Variants in DUSP11 observed in about 807,000 individuals in gnomAD.
DUSP11 encodes dual specificity phosphatase 11, also known as RNA/RNP complex-1-interacting phosphatase.
In DUSP11, 27 loss-of-function variants were observed where a neutral mutation model predicts 41.4. The observed-to-expected ratio is 0.65, with a 90% CI of 0.48 to 0.90. The LOEUF (loss-of-function observed/expected upper bound fraction) is 0.90, where lower values mean the gene tolerates loss of function less well. Among genes scored for constraint, DUSP11 ranks in the 40% least tolerant of loss-of-function variants. The pLI is 0.00. For synonymous variants in DUSP11, 188 were observed against 159.3 expected, an observed-to-expected ratio of 1.18 and a Z score of -1.35; for missense variants, 465 against 461.1, an observed-to-expected ratio of 1.01 and a Z score of -0.08.
intron 3 of DUSP11, 43 bp downstream of exon 3, chr2:73,774,870 A>T: frequency 1.4e-6 from 2 of 1,462,864 alleles, no homozygotes; most frequent in Non-Finnish European, 9.1e-7. Flanking sequence ...TTATTTTAGG[A>T]TCAGAAGGAA....
Position 73,766,821 on chromosome 2 carries a change from G to T in DUSP11, c.758+7C>A. 4.4e-6 allele frequency: 7 copies of T among 1,602,970 alleles called. No individual in the cohort carries two copies. Among genetic ancestry groups the T allele is most frequent in the Non-Finnish European group, 4.3e-6 (5 of 1,170,290 alleles). On this transcript the variant is annotated splice_region_variant and intron_variant, in intron 7 of 8. Transcript: ENST00000272444. ...CACAAATCTCACATATATAACATAA[G>T]ACTTACTTTCTGATAGGACCATTCT...
At chr2:73,778,458 T>A (rs1235309298) in intron 1 of DUSP11, 82 bp from the exon 2 acceptor site, 2 of 862,016 alleles carry the variant, frequency 2.3e-6, no homozygotes, top group Non-Finnish European at 3.4e-6. Flanking sequence ...AAAATGGGAA[T>A]CATAGCCCGC....
At chr2:73,766,695 T>G in intron 7 of DUSP11, 101 bp from the exon 8 acceptor site, 1 of 1,399,266 alleles carries the variant, frequency 7.1e-7, no homozygotes. Flanking sequence ...TTCTTCCTTC[T>G]CCCATTCCTA....
Position 73,779,791 on chromosome 2 carries a change from A to G in DUSP11, c.242+83T>C, listed in dbSNP as rs916488153. ...AGTCAAGCTTGCGATGGCAACGGCG[A>G]GAGGCAGAGACCACAAACGATGAAG... is the stretch of plus-strand genomic sequence containing the variant. On this transcript the variant is annotated intron_variant, in intron 1 of 8. Coordinates refer to ENST00000272444, the Ensembl canonical transcript of DUSP11. The G allele has an allele frequency of 1.0e-5, 16 of 1,572,546 alleles. No individual in the cohort carries two copies. The African/African-American group carries it at 1.6e-4, about 16-fold the overall frequency.
chr2:73,776,857 G>C (rs968679089), intron 2 of DUSP11, among the ~76,000 whole-genome samples: 2 of 152,174 alleles, frequency 1.3e-5, no homozygotes, highest in African/African-American at 4.8e-5. Context: ...CATCAGCACA[G>C]GATTGTTGTG....
intron 5 of DUSP11, 22 bp from the exon 6 acceptor site, chr2:73,767,229 G>T (rs200463622): frequency 1.9e-6 from 3 of 1,596,624 alleles, no homozygotes; most frequent in Non-Finnish European, 2.6e-6. Context: ...ACATAATTTG[G>T]GTCATTTATA....
intron 8 of DUSP11, among the ~76,000 whole-genome samples, chr2:73,765,698 T>G (rs1009593921): frequency 2.0e-5 from 3 of 152,230 alleles, no homozygotes; most frequent in Non-Finnish European, 2.9e-5. Flanking sequence ...AAAATACTTT[T>G]GTCGTTTTAT....
At chr2:73,780,097 G>A (rs769290762) in exon 1 of DUSP11, 9 of 1,565,390 alleles carry the variant, frequency 5.7e-6, no homozygotes, top group Admixed American at 1.9e-5. Flanking sequence ...CCGCGCTCCA[G>A]CGTCTCGCTA....
At position 73,774,308 on chromosome 2, in the gene DUSP11, G is replaced by A. The variant is rs573678488; in HGVS notation, c.451-385C>T. 8.5e-5 allele frequency among the ~76,000 whole-genome samples: 13 copies of A among 152,280 alleles called. 1 individual carries two copies. The highest frequency in any genetic ancestry group is 3.1e-4 in the African/African-American group (13 of 41,574). On this transcript the variant is annotated intron_variant, in intron 3 of 8. Coordinates refer to ENST00000272444, the Ensembl canonical transcript of DUSP11. ...AATAGAGTCAGAAGAACTTGGATTT[G>A]AATTGTGAGATAGAGGGAATTCCAG...
intron 5 of DUSP11, chr2:73,769,028 AAAAAAC>A (rs1672524681): frequency 2.5e-6 from 1 of 395,884 alleles, no homozygotes; most frequent in Admixed American, 4.4e-5. Context: ...ATATTAAATT[AAAAAAC>A]AGAATGTCTA....
chr2:73,779,916 C>G, exon 1 of DUSP11: 1 of 1,614,200 alleles, frequency 6.2e-7, no homozygotes. Flanking sequence ...GGCTGAGGAG[C>G]GTCCTGAAAA....
chr2:73,763,631 G>A (rs1672403636), intron 8 of DUSP11, among the ~76,000 whole-genome samples: 1 of 152,120 alleles, frequency 6.6e-6, no homozygotes, highest in East Asian at 1.9e-4. Flanking sequence ...GCTGAGGCAG[G>A]AGAATCATTT....
chr2:73,767,039 A>G, intron 6 of DUSP11, 122 bp downstream of exon 6: 4 of 1,245,016 alleles, frequency 3.2e-6, no homozygotes, highest in South Asian at 2.5e-5. Flanking sequence ...TTTTGGCAAG[A>G]CTATCTTATA....
At chr2:73,766,970 A>C (rs553990085) in intron 6 of DUSP11, 67 bp from the exon 7 acceptor site, 4 of 1,443,110 alleles carry the variant, frequency 2.8e-6, no homozygotes, top group African/African-American at 2.8e-5. Context: ...AAAGCAAATT[A>C]AGCTGAAATT....
chr2:73,766,228 G>A (rs1425721850), intron 8 of DUSP11, among the ~76,000 whole-genome samples, 190 bp downstream of exon 8: 1 of 151,406 alleles, frequency 6.6e-6, no homozygotes, highest in East Asian at 1.9e-4. Flanking sequence ...AGAATTGCTT[G>A]AACCTGGGAG....
In DUSP11 at chr2:73,767,209, T is replaced by C. The variant is rs1332869361; in HGVS notation, c.636-2A>G. 1.2e-6 allele frequency: 2 copies of C among 1,610,254 alleles called. No homozygotes were observed. The highest frequency in any genetic ancestry group is 1.7e-6 in the Non-Finnish European group (2 of 1,177,962). ...ACGCCTTCTACATCAATCAAATATC[T>C]AACAAAACAACATAATTTGGGTCAT... is the stretch of plus-strand genomic sequence containing the variant. On this transcript the variant is annotated splice_acceptor_variant, in intron 5 of 8. Transcript: ENST00000272444. LOFTEE classifies it high-confidence loss of function.
In DUSP11 at chr2:73,774,930, G is replaced by GT; in HGVS notation, c.432dup (p.Arg145ThrfsTer4). On this transcript the variant is annotated frameshift_variant, in exon 3 of 9. Transcript: ENST00000272444. LOFTEE classifies it high-confidence loss of function. ...CCACTTACCTCTGGTTTATAATAGCGTTGAGTATATGTTAAATCAATAATC... is the reference window on the plus strand; with the variant it reads ...CCACTTACCTCTGGTTTATAATAGCGTTTGAGTATATGTTAAATCAATAATC... 3 of 1,597,734 alleles carry GT rather than the reference G, an allele frequency of 1.9e-6. No homozygotes were observed. Among genetic ancestry groups the GT allele is most frequent in the Non-Finnish European group, 1.7e-6 (2 of 1,171,692 alleles).
chr2:73,779,796 C>A lies in DUSP11; in HGVS notation c.242+78G>T, dbSNP rs949093093. ...AGCTTGCGATGGCAACGGCGAGAGG[C>A]AGAGACCACAAACGATGAAGCCCAG... On this transcript the variant is annotated intron_variant, in intron 1 of 8. Coordinates refer to ENST00000272444, the Ensembl canonical transcript of DUSP11. The A allele has an allele frequency of 2.5e-6, 4 of 1,582,454 alleles. No homozygotes were observed. The African/African-American group carries it at 5.4e-5, about 21-fold the overall frequency.
chr2:73,773,509 T>A, intron 4 of DUSP11: 1 of 361,382 alleles, frequency 2.8e-6, no homozygotes, highest in African/African-American at 2.2e-5. Context: ...TTAACCAATA[T>A]AGAAGACAAA....
Sources: gnomAD v4.1 joint callset for allele counts (sites outside exome capture counted in the v4.1 genomes callset) on GRCh38, gnomAD v4.1.1 for gene constraint, MANE v1.5 for transcripts, NCBI Gene and HGNC (gene_info 2026-07-23, HGNC 2026-07-21) for gene names.